NDFIP2: variants seen among roughly 807,000 people sequenced by gnomAD.
The protein encoded by NDFIP2 is NEDD4 family-interacting protein 2.
In NDFIP2, 19 loss-of-function variants were observed where a neutral mutation model predicts 36.0. The ratio of observed to expected loss-of-function variants is 0.53; its 90% confidence interval spans 0.37 to 0.77. NDFIP2 has a LOEUF of 0.77. NDFIP2 is among the 30% of genes least tolerant of loss of function. The pLI is 0.00. For synonymous variants in NDFIP2, 181 were observed against 167.7 expected, an observed-to-expected ratio of 1.08 and a Z score of -0.61; for missense variants, 446 against 435.8, an observed-to-expected ratio of 1.02 and a Z score of -0.21.
At position 79,548,388 on chromosome 13, in the gene NDFIP2, G is replaced by T; in HGVS notation, c.901G>T (p.Val301Leu). ...GQYWLWWIFL[V>L]LGLLLFFRGF... ...GTATTGGCTTTGGTGGATATTTCTT[G>T]TACTTGGTAAGTTTATTCTTAATGC... The change falls in exon 6 of 8, where the codon GTA (valine) becomes TTA (leucine). Residue 301 changes from valine to leucine, a missense_variant. Val to Leu is a conservative substitution (Grantham distance 32). Coordinates refer to ENST00000218652, the MANE Select transcript of NDFIP2 (RefSeq NM_019080.3). 6.3e-7 allele frequency: 1 copy of T among 1,583,742 alleles called. No individual in the cohort carries two copies. Among genetic ancestry groups the T allele is most frequent in the Non-Finnish European group, 8.6e-7 (1 of 1,159,942 alleles).
chr13:79,485,201 G>T (rs768207729), intron 1 of NDFIP2, among the ~76,000 whole-genome samples: 4 of 152,108 alleles, frequency 2.6e-5, no homozygotes, highest in African/African-American at 4.8e-5. Context: ...AGAACCAAGG[G>T]TGCAGCTCTT....
intron 1 of NDFIP2, among the ~76,000 whole-genome samples, chr13:79,509,690 T>TATAGAGAGAGAG (rs113326163): frequency 1.6e-4 from 23 of 147,920 alleles, no homozygotes; most frequent in African/African-American, 5.5e-4. Context: ...TATATATATA[T>TATAGAGAGAGAG]AGAGAGAGAG....
At chr13:79,539,861 ATTG>A in intron 4 of NDFIP2, 86 bp downstream of exon 4, 1 of 1,053,968 alleles carries the variant, frequency 9.5e-7, no homozygotes, top group Non-Finnish European at 1.5e-6. Flanking sequence ...AGAAGCAAAT[ATTG>A]TTAGCATATG....
chr13:79,534,190 A>G (rs1594856165), intron 3 of NDFIP2, among the ~76,000 whole-genome samples: 1 of 152,034 alleles, frequency 6.6e-6, no homozygotes. Context: ...ATCTTCTTAC[A>G]TAGTTTGAAT....
At chr13:79,520,103 G>A (rs1211622603) in intron 1 of NDFIP2, among the ~76,000 whole-genome samples, 1 of 152,070 alleles carries the variant, frequency 6.6e-6, no homozygotes, top group African/African-American at 2.4e-5. Context: ...GCCCAGCCTT[G>A]CTTTAATAAT....
chr13:79,481,366 G>A lies in NDFIP2; in HGVS notation c.163G>A (p.Gly55Ser), dbSNP rs1284114009. ...TGAAGAGCTTCCGCCGGGAGACCGC[G>A]GCTGCAGGAACGGAGGCGGAAGGGG... ...GSEELPPGDR[G>S]CRNGGGRGPA... Residue 55 changes from glycine (G) to serine (S), a missense_variant, in exon 1 of 8, where the codon GGC becomes AGC. Gly to Ser is a moderately conservative substitution (Grantham distance 56). Transcript: ENST00000218652. 4 of 1,552,884 alleles carry A rather than the reference G, an allele frequency of 2.6e-6. No homozygotes were observed. The highest frequency in any genetic ancestry group is 1.2e-5 in the South Asian group (1 of 84,340).
intron 1 of NDFIP2, among the ~76,000 whole-genome samples, chr13:79,520,153 A>G (rs138637514): frequency 1.8e-3 from 277 of 152,236 alleles, no homozygotes; most frequent in African/African-American, 5.8e-3. Context: ...CGTACTCCAC[A>G]TTTTTAGAAT....
intron 1 of NDFIP2, among the ~76,000 whole-genome samples, chr13:79,491,426 C>G (rs774606912): frequency 2.0e-5 from 3 of 152,170 alleles, no homozygotes; most frequent in African/African-American, 7.2e-5. Flanking sequence ...TCCTCTGTCT[C>G]TCTCTCTGAA....
In NDFIP2 at chr13:79,481,234, G is replaced by A. The variant is rs1308702800; in HGVS notation, c.31G>A (p.Ala11Thr). The A allele has an allele frequency of 1.3e-6, 2 of 1,523,192 alleles. No homozygotes were observed. Among genetic ancestry groups the A allele is most frequent in the Non-Finnish European group, 8.8e-7 (1 of 1,140,740 alleles). 94.4% of individuals were successfully genotyped at this position (1,523,192 alleles called of 1,614,324 possible). A position where few individuals can be genotyped will look rare whatever the true frequency, so the allele number is the denominator to read the frequency against. MARRRSQRVC[A>T]SGPSMLNSAR... is the part of the protein sequence containing the mutation. The stretch of plus-strand genomic sequence containing the variant: ...ACGCCGGCGGAGCCAGCGAGTCTGC[G>A]CGAGCGGTCCGAGCATGCTCAATAG... The change falls in exon 1 of 8, where the codon GCG becomes ACG. Residue 11 changes from alanine to threonine, a missense_variant. By Grantham distance (58) the Ala-to-Thr change is moderately conservative. Transcript: ENST00000218652.
intron 1 of NDFIP2, among the ~76,000 whole-genome samples, chr13:79,509,921 G>C (rs980066091): frequency 1.3e-5 from 2 of 152,092 alleles, no homozygotes; most frequent in Non-Finnish European, 1.5e-5. Context: ...TTCTAGCTGC[G>C]CTGGCAGTTG....
At chr13:79,499,341 G>A (rs1873567257) in intron 1 of NDFIP2, among the ~76,000 whole-genome samples, 1 of 151,952 alleles carries the variant, frequency 6.6e-6, no homozygotes, top group Non-Finnish European at 1.5e-5. Context: ...ATGTCCTCTT[G>A]ACTGCTTTTC....
At chr13:79,531,480 C>G (rs1470010450) in intron 2 of NDFIP2, among the ~76,000 whole-genome samples, 1 of 152,192 alleles carries the variant, frequency 6.6e-6, no homozygotes. Context: ...AGGCATCTTC[C>G]AGTAGAAAGC....
intron 2 of NDFIP2, among the ~76,000 whole-genome samples, chr13:79,525,397 G>T (rs990759238): frequency 1.3e-5 from 2 of 152,140 alleles, no homozygotes; most frequent in African/African-American, 4.8e-5. Context: ...CGTTTTTACT[G>T]TAGATCTTAG....
intron 1 of NDFIP2, among the ~76,000 whole-genome samples, chr13:79,500,389 G>A (rs2140743532): frequency 6.6e-6 from 1 of 152,028 alleles, no homozygotes; most frequent in Middle Eastern, 3.4e-3. Flanking sequence ...CTCTGTGAAA[G>A]ATACTGCCAA....
chr13:79,548,248 CATT>C lies in NDFIP2; in HGVS notation c.841-77_841-75del. The C allele has an allele frequency of 8.4e-6, 9 of 1,074,342 alleles. No homozygotes were observed. In the South Asian group the frequency reaches 1.0e-4, roughly 12 times the overall value. 66.6% of individuals were successfully genotyped at this position (1,074,342 alleles called of 1,614,324 possible). The stretch of plus-strand genomic sequence containing the variant: ...GTGTTAAAGATTATTTGAAGTAAAT[CATT>C]ATGAAACTGAAGATAATTTATGATT... On this transcript the variant is annotated intron_variant, in intron 5 of 7. Coordinates refer to ENST00000218652, the MANE Select transcript of NDFIP2 (RefSeq NM_019080.3).
intron 5 of NDFIP2, among the ~76,000 whole-genome samples, chr13:79,547,075 T>C (rs1169090355): frequency 6.6e-6 from 1 of 151,964 alleles, no homozygotes; most frequent in African/African-American, 2.4e-5. Context: ...ATTTAAAATA[T>C]GAAATTACTA....
chr13:79,503,549 A>G (rs1175516868), intron 1 of NDFIP2, among the ~76,000 whole-genome samples: 1 of 152,150 alleles, frequency 6.6e-6, no homozygotes, highest in Admixed American at 6.5e-5. Flanking sequence ...AGGTTGGGAT[A>G]AGGAACCAAG....
intron 2 of NDFIP2, among the ~76,000 whole-genome samples, chr13:79,522,416 TG>T (rs1874622349): frequency 6.6e-6 from 1 of 152,224 alleles, no homozygotes; most frequent in South Asian, 2.1e-4. Context: ...GTCTGAGTAA[TG>T]AAAGATACTA....
intron 1 of NDFIP2, among the ~76,000 whole-genome samples, chr13:79,485,976 A>G (rs56000157): frequency 1.3e-5 from 2 of 152,196 alleles, no homozygotes; most frequent in South Asian, 4.1e-4. Context: ...CCTAATCCAA[A>G]AACCCGAAAT....
Sources: allele counts gnomAD v4.1 joint callset (sites outside exome capture counted in the v4.1 genomes callset), GRCh38; gene constraint gnomAD v4.1.1; transcripts MANE v1.5; gene names NCBI Gene and HGNC (gene_info 2026-07-23, HGNC 2026-07-21).